The following TMEM132D variants were observed in gnomAD, a reference collection of about 807,000 sequenced individuals.
TMEM132D encodes transmembrane protein 132D, also known as mature OL transmembrane protein.
A neutral mutation model predicts 62.3 loss-of-function variants in TMEM132D; 21 were observed. That is an observed-to-expected ratio of 0.34 (90% CI 0.24 to 0.49). The LOEUF (loss-of-function observed/expected upper bound fraction) is 0.49, where lower values mean the gene tolerates loss of function less well. Among genes scored for constraint, TMEM132D ranks in the 20% least tolerant of loss-of-function variants. The pLI, the probability that TMEM132D is intolerant of heterozygous loss-of-function variation, is 0.99. For synonymous variants in TMEM132D, 621 were observed against 575.6 expected (o/e 1.08, Z -1.13); for missense variants, 1,346 against 1,402.8 (o/e 0.96, Z 0.65).
chr12:129,799,276 C>T (rs539427248), intron 1 of TMEM132D, among the ~76,000 whole-genome samples: 14 of 151,558 alleles, frequency 9.2e-5, no homozygotes, highest in South Asian at 6.3e-4. Context: ...AGCGAGACTC[C>T]GTCTCAAAAA....
chr12:129,571,258 T>A (rs1877504138), intron 2 of TMEM132D, among the ~76,000 whole-genome samples: 1 of 152,116 alleles, frequency 6.6e-6, no homozygotes, highest in Non-Finnish European at 1.5e-5. Context: ...TACTCTTTAT[T>A]GTCTAAGTGT....
chr12:129,735,126 G>C (rs1241226068), intron 1 of TMEM132D, among the ~76,000 whole-genome samples: 1 of 152,162 alleles, frequency 6.6e-6, no homozygotes, highest in Non-Finnish European at 1.5e-5. Context: ...CAGAGCAACT[G>C]TTTGGACACC....
intron 5 of TMEM132D, among the ~76,000 whole-genome samples, chr12:129,091,911 AT>A (rs1874929463): frequency 6.6e-6 from 1 of 152,158 alleles, no homozygotes; most frequent in Non-Finnish European, 1.5e-5. Context: ...ATTGCATTAG[AT>A]TGTTAGACAT....
intron 1 of TMEM132D, among the ~76,000 whole-genome samples, chr12:129,847,414 T>C (rs1393410039): frequency 6.6e-6 from 1 of 152,186 alleles, no homozygotes; most frequent in Non-Finnish European, 1.5e-5. Flanking sequence ...TCTGAGGCTT[T>C]TTCCTCTTCT....
chr12:129,792,386 G>A (rs997250222), intron 1 of TMEM132D, among the ~76,000 whole-genome samples: 30 of 152,104 alleles, frequency 2.0e-4, no homozygotes, highest in African/African-American at 6.8e-4. Context: ...GTATGTACCC[G>A]GTTATTGCTG....
At chr12:129,256,743 G>T (rs945586554) in intron 4 of TMEM132D, among the ~76,000 whole-genome samples, 3 of 152,094 alleles carry the variant, frequency 2.0e-5, no homozygotes, top group African/African-American at 7.2e-5. Flanking sequence ...TTTTAGTAGA[G>T]ACGGGGTTTC....
At chr12:129,096,431 A>G (rs1256733876) in intron 5 of TMEM132D, among the ~76,000 whole-genome samples, 1 of 152,196 alleles carries the variant, frequency 6.6e-6, no homozygotes, top group African/African-American at 2.4e-5. Flanking sequence ...GGAAGACCCA[A>G]CAACATTTCT....
At chr12:129,790,015 G>C (rs571340885) in intron 1 of TMEM132D, among the ~76,000 whole-genome samples, 3 of 152,350 alleles carry the variant, frequency 2.0e-5, no homozygotes, top group South Asian at 4.1e-4. Context: ...GAACTGGAGT[G>C]CGCAGGTGCT....
chr12:129,823,651 T>A (rs995023712), intron 1 of TMEM132D, among the ~76,000 whole-genome samples: 53 of 152,170 alleles, frequency 3.5e-4, no homozygotes, highest in African/African-American at 1.3e-3. Flanking sequence ...CAGAGGCAGG[T>A]CAGTGTGTTT....
intron 3 of TMEM132D, among the ~76,000 whole-genome samples, chr12:129,432,123 G>GTGGATGGATGGATGGA (rs113591569): frequency 8.9e-5 from 13 of 145,310 alleles, no homozygotes; most frequent in African/African-American, 3.2e-4. Context: ...GGATGGATAG[G>GTGGATGGATGGATGGA]TGGATGGATG....
chr12:129,571,300 T>C (rs1356665549), intron 2 of TMEM132D, among the ~76,000 whole-genome samples: 1 of 152,174 alleles, frequency 6.6e-6, no homozygotes, highest in East Asian at 1.9e-4. Context: ...GCGTGGTGGT[T>C]CACGCCTATA....
intron 2 of TMEM132D, among the ~76,000 whole-genome samples, chr12:129,609,989 G>C (rs1195941588): frequency 6.6e-6 from 1 of 152,226 alleles, no homozygotes; most frequent in Non-Finnish European, 1.5e-5. Flanking sequence ...AGAGGGGAAG[G>C]CTGGGCACAG....
At position 129,224,393 on chromosome 12, in the gene TMEM132D, C is replaced by T. The variant is rs189877471; in HGVS notation, c.1300-14730G>A. On this transcript the variant is annotated intron_variant, in intron 4 of 8. Coordinates refer to ENST00000422113, the MANE Select transcript of TMEM132D (RefSeq NM_133448.3). ...TGATACAAAATTTGTTTTAAATATACACATTTAAAATGGGAGAAATTTTCA... is the reference window on the plus strand; with the variant it reads ...TGATACAAAATTTGTTTTAAATATATACATTTAAAATGGGAGAAATTTTCA... 1.7e-3 allele frequency among the ~76,000 whole-genome samples: 261 copies of T among 152,212 alleles called. 2 individuals are homozygous for T. The highest frequency in any genetic ancestry group is 5.6e-3 in the African/African-American group (231 of 41,540).
chr12:129,523,081 G>C (rs944991713), intron 3 of TMEM132D, among the ~76,000 whole-genome samples: 2 of 150,758 alleles, frequency 1.3e-5, no homozygotes, highest in African/African-American at 4.9e-5. Context: ...AGGACACTAA[G>C]GGCTGCACAT....
intron 4 of TMEM132D, among the ~76,000 whole-genome samples, chr12:129,218,591 T>C (rs1368777298): frequency 6.6e-6 from 1 of 152,204 alleles, no homozygotes; most frequent in Non-Finnish European, 1.5e-5. Context: ...CGCAGTTCAT[T>C]GTTGACCGAA....
chr12:129,100,754 C>T (rs6416194), intron 5 of TMEM132D, among the ~76,000 whole-genome samples: 56,289 of 152,072 alleles, frequency 0.37, 12,127 homozygotes, highest in African/African-American at 0.59. Context: ...ATGTAAAAAG[C>T]CTCATTAGTT....
intron 4 of TMEM132D, among the ~76,000 whole-genome samples, chr12:129,305,321 C>T (rs1881821684): frequency 6.6e-6 from 1 of 152,152 alleles, no homozygotes; most frequent in Admixed American, 6.5e-5. Context: ...ACAAATTCAA[C>T]ACTCTCCTGT....
At chr12:129,498,648 T>C (rs1188635489) in intron 3 of TMEM132D, among the ~76,000 whole-genome samples, 2 of 152,242 alleles carry the variant, frequency 1.3e-5, no homozygotes, top group Non-Finnish European at 2.9e-5. Context: ...GAGTTTTGGA[T>C]AGATGCGTCA....
chr12:129,451,659 G>T (rs867018580), intron 3 of TMEM132D, among the ~76,000 whole-genome samples: 2 of 152,184 alleles, frequency 1.3e-5, no homozygotes, highest in Non-Finnish European at 2.9e-5. Context: ...GACCACAGAG[G>T]CATGCCCAAA....
Sources: gnomAD v4.1 joint callset for allele counts (sites outside exome capture counted in the v4.1 genomes callset) on GRCh38, gnomAD v4.1.1 for gene constraint, MANE v1.5 for transcripts, NCBI Gene and HGNC (gene_info 2026-07-23, HGNC 2026-07-21) for gene names.